Variants in LARP4 observed in about 807,000 individuals in gnomAD.
LARP4 encodes the protein la-related protein 4.
Under a neutral mutation model 92.9 loss-of-function variants are expected in LARP4, and 29 were observed. That is an observed-to-expected ratio of 0.31 (90% confidence interval 0.23 to 0.43). LARP4 has a LOEUF of 0.43. Among genes scored for constraint, LARP4 ranks in the 20% least tolerant of loss-of-function variants. The pLI is 1.00. For synonymous variants in LARP4, 279 were observed against 284.1 expected, an observed-to-expected ratio of 0.98 and a Z score of 0.18; for missense variants, 732 against 860.0, an observed-to-expected ratio of 0.85 and a Z score of 1.86.
Position 50,441,651 on chromosome 12 carries a change from A to G in LARP4, c.804+8A>G, listed in dbSNP as rs200772979. 44 of 1,589,934 alleles carry G rather than the reference A, an allele frequency of 2.8e-5. 1 individual carries two copies. In the East Asian group the frequency reaches 9.4e-4, roughly 34 times the overall value. On this transcript the variant is annotated splice_region_variant and intron_variant, in intron 8 of 15. Transcript: ENST00000398473. Reference sequence around the variant, plus strand: ...CAGGGCAAGCCAATTATGGTAAGAAATAGAGATCAGTGTGAAACCAGAACA... The same window carrying G: ...CAGGGCAAGCCAATTATGGTAAGAAGTAGAGATCAGTGTGAAACCAGAACA...
intron 1 of LARP4, among the ~76,000 whole-genome samples, chr12:50,407,248 A>G (rs1379311385): frequency 6.6e-6 from 1 of 151,104 alleles, no homozygotes; most frequent in African/African-American, 2.4e-5. Context: ...CTGGTCTCGA[A>G]CTCCTGACCT....
chr12:50,423,500 G>A (rs1422022777), intron 1 of LARP4, among the ~76,000 whole-genome samples: 1 of 152,150 alleles, frequency 6.6e-6, no homozygotes, highest in Non-Finnish European at 1.5e-5. Flanking sequence ...CCAGGCTGGA[G>A]TGCAGTGGCG....
At chr12:50,460,907 G>T (rs189834049) in intron 10 of LARP4, among the ~76,000 whole-genome samples, 10 of 152,216 alleles carry the variant, frequency 6.6e-5, no homozygotes, top group African/African-American at 2.4e-4. Flanking sequence ...GTGCCACTGC[G>T]CTCCAGCCTG....
At chr12:50,440,417 C>T in intron 6 of LARP4, 22 bp from the exon 7 acceptor site, 1 of 1,548,610 alleles carries the variant, frequency 6.5e-7, no homozygotes, top group Non-Finnish European at 8.9e-7. Context: ...TTAGAGTTAA[C>T]TAATTTTCTT....
At chr12:50,441,040 C>T (rs894558071) in intron 7 of LARP4, among the ~76,000 whole-genome samples, 2 of 152,092 alleles carry the variant, frequency 1.3e-5, no homozygotes, top group African/African-American at 4.8e-5. Flanking sequence ...CCCGCCACTA[C>T]ACCCAGCTAA....
intron 6 of LARP4, among the ~76,000 whole-genome samples, chr12:50,439,921 C>T (rs1593117212): frequency 1.3e-5 from 2 of 152,086 alleles, no homozygotes; most frequent in South Asian, 4.1e-4. Context: ...TATGTTTGCA[C>T]ATTAACTAAT....
rs796341919 is a variant in LARP4, at chr12:50,479,112, G to A, written c.*3248G>A. On this transcript the variant is annotated 3_prime_UTR_variant, in exon 16 of 16. Transcript: ENST00000398473. ...AAGAATGTTGCTGGAACGTAAAATA[G>A]TATTTAAAAGTTAATGAACACTTCT... 3 of 152,560 alleles carry A rather than the reference G, an allele frequency of 2.0e-5. No homozygotes were observed. In the South Asian group the frequency reaches 6.2e-4, roughly 32 times the overall value. The allele number at this position is 152,560 out of a possible 1,614,324, so 9.5% of individuals were successfully genotyped here.
At chr12:50,449,720 C>T (rs1952808863) in intron 8 of LARP4, among the ~76,000 whole-genome samples, 1 of 152,116 alleles carries the variant, frequency 6.6e-6, no homozygotes. Flanking sequence ...CTTCATTACC[C>T]TGAGTTACAG....
At chr12:50,464,862 TG>T (rs1955932544) in intron 12 of LARP4, among the ~76,000 whole-genome samples, 1 of 146,816 alleles carries the variant, frequency 6.8e-6, no homozygotes, top group Non-Finnish European at 1.5e-5. Context: ...GGCTAATTTT[TG>T]TATTATAGTA....
At chr12:50,473,386 G>A (rs1226859400) in intron 13 of LARP4, 29 bp from the exon 14 acceptor site, 2 of 1,589,480 alleles carry the variant, frequency 1.3e-6, no homozygotes, top group Admixed American at 1.7e-5. Context: ...AGGTCTAAGT[G>A]TAATTTTGAA....
Position 50,428,019 on chromosome 12 carries a change from A to G in LARP4, c.166+110A>G, listed in dbSNP as rs1298595415. ...TTTTTTTTTTTTTTTTTTTTGAGAC[A>G]GAGTCTTCCTCTGTCACCCAGGCTG... On this transcript the variant is annotated intron_variant, in intron 2 of 15. Coordinates refer to ENST00000398473, the MANE Select transcript of LARP4 (RefSeq NM_052879.5). 7 of 640,060 alleles carry G rather than the reference A, an allele frequency of 1.1e-5. No individual in the cohort carries two copies. The Admixed American group carries it at 1.8e-4, about 16-fold the overall frequency. The allele number at this position is 640,060 out of a possible 1,614,324, so 39.6% of individuals were successfully genotyped here.
chr12:50,403,693 G>A (rs1186752853), intron 1 of LARP4, among the ~76,000 whole-genome samples: 5 of 152,104 alleles, frequency 3.3e-5, no homozygotes, highest in Admixed American at 1.3e-4. Flanking sequence ...GGATCCCTGG[G>A]TCCTCTGCAG....
At chr12:50,433,178 A>G (rs917477429) in intron 4 of LARP4, among the ~76,000 whole-genome samples, 2 of 152,058 alleles carry the variant, frequency 1.3e-5, no homozygotes, top group African/African-American at 4.8e-5. Context: ...AAGATCTGCA[A>G]ATGCTCTCAG....
chr12:50,443,577 G>T (rs1222750294), intron 8 of LARP4, among the ~76,000 whole-genome samples: 2 of 151,782 alleles, frequency 1.3e-5, no homozygotes, highest in African/African-American at 4.8e-5. Context: ...TGCATTCCTG[G>T]ATATCACTGT....
In LARP4 at chr12:50,467,040, G is replaced by A. The variant is rs1262629400; in HGVS notation, c.1465G>A (p.Gly489Arg). 4 of 1,613,552 alleles carry A rather than the reference G, an allele frequency of 2.5e-6. No individual in the cohort carries two copies. In the South Asian group the frequency reaches 3.3e-5, roughly 13 times the overall value. The change falls in exon 13 of 16, where the codon GGA becomes AGA. Residue 489 changes from glycine (G) to arginine (R), a missense_variant. Physicochemically the swap from Gly to Arg is moderately radical, Grantham distance 125. Transcript: ENST00000398473. ...AGCCTCAAATTTTCCACCTTTACCT[G>A]GAAGTTCATCAAGAATGCCAGGTGA... is the stretch of plus-strand genomic sequence containing the variant. The part of the protein sequence containing the change: ...LLASNFPPLP[G>R]SSSRMPGELV...
intron 10 of LARP4, among the ~76,000 whole-genome samples, chr12:50,455,662 T>G (rs2138388851): frequency 6.6e-6 from 1 of 152,264 alleles, no homozygotes; most frequent in South Asian, 2.1e-4. Context: ...CCCAACAGAA[T>G]GAAAAAATAT....
chr12:50,427,843 C>T lies in LARP4; in HGVS notation c.100C>T (p.Pro34Ser), dbSNP rs753837725. 1.1e-5 allele frequency: 18 copies of T among 1,603,992 alleles called. No individual in the cohort carries two copies. In the South Asian group the frequency reaches 2.0e-4, roughly 18 times the overall value. Residue 34 changes from proline (P) to serine (S), a missense_variant, in exon 2 of 16, where the codon CCA becomes TCA. Physicochemically the swap from Pro to Ser is moderately conservative, Grantham distance 74. Coordinates refer to ENST00000398473, the MANE Select transcript of LARP4 (RefSeq NM_052879.5). ...TGCTCCTGGAAATACTGATGCCACC[C>T]CAGTAACTCATGGAACTGAAAGCTC... ...EIAPGNTDAT[P>S]VTHGTESSWH...
chr12:50,474,936 C>T (rs1957385307), intron 15 of LARP4, among the ~76,000 whole-genome samples: 1 of 152,172 alleles, frequency 6.6e-6, no homozygotes, highest in Non-Finnish European at 1.5e-5. Flanking sequence ...TTTAGTACAG[C>T]ACTTTTAAAA....
chr12:50,421,737 G>A lies in LARP4; in HGVS notation c.19-6025G>A, dbSNP rs187166612. ...CCAATCTGGTCTGGTTACTATAGCA[G>A]GTCATGTTTCCTTCCCGCCTATAAC... On this transcript the variant is annotated intron_variant, in intron 1 of 15. Transcript: ENST00000398473. 1.4e-3 allele frequency among the ~76,000 whole-genome samples: 219 copies of A among 152,216 alleles called. 1 individual carries two copies. The highest frequency in any genetic ancestry group is 3.3e-3 in the Admixed American group (50 of 15,268).
Sources: gnomAD v4.1 joint callset for allele counts (sites outside exome capture counted in the v4.1 genomes callset) on GRCh38, gnomAD v4.1.1 for gene constraint, MANE v1.5 for transcripts, NCBI Gene and HGNC (gene_info 2026-07-23, HGNC 2026-07-21) for gene names.